Variants in SMYD3 observed in about 807,000 individuals in gnomAD.
The protein encoded by SMYD3 is histone-lysine N-methyltransferase SMYD3.
A neutral mutation model predicts 57.7 loss-of-function variants in SMYD3; 36 were observed. That is an observed-to-expected ratio of 0.62 (90% CI 0.48 to 0.82). SMYD3 has a LOEUF of 0.82. Ranked by LOEUF, SMYD3 falls within the 40% of genes least tolerant of loss-of-function variation. The pLI, the probability that SMYD3 is intolerant of heterozygous loss-of-function variation, is 0.00. For missense variants in SMYD3, 515 were observed against 538.8 expected (o/e 0.96, Z 0.44); for synonymous variants, 211 against 195.0 (o/e 1.08, Z -0.68).
chr1:245,799,465 C>T (rs1355790482), intron 10 of SMYD3, among the ~76,000 whole-genome samples: 1 of 7,076 alleles, frequency 1.4e-4, no homozygotes, highest in Non-Finnish European at 3.2e-4. Context: ...CCTCTCTTCT[C>T]CTTTCCAATT....
At chr1:245,989,883 C>T (rs187291928) in intron 5 of SMYD3, among the ~76,000 whole-genome samples, 3 of 152,212 alleles carry the variant, frequency 2.0e-5, no homozygotes, top group Admixed American at 6.5e-5. Context: ...CCTATAGATG[C>T]CCTGACCTTA....
At chr1:245,880,901 G>T (rs2052744390) in intron 8 of SMYD3, among the ~76,000 whole-genome samples, 1 of 152,268 alleles carries the variant, frequency 6.6e-6, no homozygotes, top group Non-Finnish European at 1.5e-5. Context: ...CCCAAGAGTG[G>T]AACATTGTGC....
intron 5 of SMYD3, 89 bp from the exon 6 acceptor site, chr1:245,930,026 T>C (rs2056617957): frequency 9.4e-7 from 1 of 1,069,374 alleles, no homozygotes; most frequent in Non-Finnish European, 1.4e-6. Flanking sequence ...AACCCAAATG[T>C]AGGAGCATCT....
chr1:245,881,169 C>G (rs1259702087), intron 8 of SMYD3, among the ~76,000 whole-genome samples: 6 of 152,184 alleles, frequency 3.9e-5, no homozygotes, highest in Admixed American at 6.5e-5. Flanking sequence ...AAGTATACCA[C>G]CAAACCAACA....
intron 5 of SMYD3, among the ~76,000 whole-genome samples, chr1:246,282,400 G>C (rs1271030358): frequency 6.7e-6 from 1 of 149,598 alleles, no homozygotes; most frequent in Admixed American, 6.7e-5. Flanking sequence ...TCAAAAGGCT[G>C]AGATGGAAGG....
chr1:245,797,670 A>G (rs922172484), intron 10 of SMYD3, among the ~76,000 whole-genome samples: 1 of 152,006 alleles, frequency 6.6e-6, no homozygotes, highest in South Asian at 2.1e-4. Context: ...AACTTAAAGT[A>G]TAATTATATA....
intron 5 of SMYD3, among the ~76,000 whole-genome samples, chr1:246,259,284 T>C (rs1305810368): frequency 6.6e-6 from 1 of 152,200 alleles, no homozygotes; most frequent in Non-Finnish European, 1.5e-5. Context: ...CATTCAGATT[T>C]TTAATGGTGC....
At chr1:246,313,982 G>A (rs1295536780) in intron 5 of SMYD3, among the ~76,000 whole-genome samples, 2 of 152,090 alleles carry the variant, frequency 1.3e-5, no homozygotes, top group African/African-American at 4.8e-5. Context: ...ATTTCAAAAG[G>A]TACCTTAACT....
At chr1:246,418,231 C>T (rs1182162369) in intron 1 of SMYD3, among the ~76,000 whole-genome samples, 2 of 152,226 alleles carry the variant, frequency 1.3e-5, no homozygotes, top group African/African-American at 4.8e-5. Context: ...CCACATGCTA[C>T]AAGACGGATA....
intron 9 of SMYD3, among the ~76,000 whole-genome samples, chr1:245,862,901 A>C (rs775308269): frequency 1.6e-4 from 24 of 152,162 alleles, no homozygotes; most frequent in Non-Finnish European, 2.1e-4. Flanking sequence ...TTTACCCAAG[A>C]CTGCTAATAA....
intron 5 of SMYD3, among the ~76,000 whole-genome samples, chr1:246,161,371 C>G (rs2062117482): frequency 6.6e-6 from 1 of 152,212 alleles, no homozygotes. Flanking sequence ...CATCTTTACA[C>G]AGGCTGTTCC....
intron 10 of SMYD3, among the ~76,000 whole-genome samples, chr1:245,769,560 A>G (rs565145971): frequency 6.6e-6 from 1 of 152,354 alleles, no homozygotes; most frequent in Admixed American, 6.5e-5. Flanking sequence ...AGATTAAAAG[A>G]GATGTAAGAG....
At position 246,153,409 on chromosome 1, in the gene SMYD3, G is replaced by C. The variant is rs963849993; in HGVS notation, c.531+173792C>G. ...AGCCTAAAACCCTGCTGGAGATAGG[G>C]AAGGAGGGAGGGAGGGAGGGAGAGG... On this transcript the variant is annotated intron_variant, in intron 5 of 11. Transcript: ENST00000490107. Among the ~76,000 whole-genome samples, 20 of 132,006 alleles carry C rather than the reference G, an allele frequency of 1.5e-4. No individual in the cohort carries two copies. The East Asian group carries it at 5.4e-3, about 35-fold the overall frequency. The allele number at this position is 132,006 out of a possible 152,430, so 86.6% of individuals were successfully genotyped here.
At chr1:246,155,132 T>C (rs1408286526) in intron 5 of SMYD3, among the ~76,000 whole-genome samples, 1 of 152,086 alleles carries the variant, frequency 6.6e-6, no homozygotes, top group Non-Finnish European at 1.5e-5. Flanking sequence ...ATTAGCTTTC[T>C]TCCCTCCCAA....
At chr1:246,186,108 G>GT (rs1248454963) in intron 5 of SMYD3, among the ~76,000 whole-genome samples, 2 of 151,952 alleles carry the variant, frequency 1.3e-5, no homozygotes, top group South Asian at 2.1e-4. Flanking sequence ...CAGAATTGTG[G>GT]TTTTTTACTG....
In SMYD3 at chr1:246,036,540, T is replaced by TC. The variant is rs912938697; in HGVS notation, c.532-106604_532-106603insG. 3.3e-4 allele frequency among the ~76,000 whole-genome samples: 12 copies of TC among 36,176 alleles called. 1 individual carries two copies. In the African/African-American group the frequency reaches 9.1e-3, roughly 27 times the overall value. 23.7% of individuals were successfully genotyped at this position (36,176 alleles called of 152,430 possible). A position where few individuals can be genotyped will look rare whatever the true frequency, so the allele number is the denominator to read the frequency against. On this transcript the variant is annotated intron_variant, in intron 5 of 11. Coordinates refer to ENST00000490107, the MANE Select transcript of SMYD3 (RefSeq NM_001167740.2). ...TTTTCTCTGTACTCTTCTTTCTCTC[T>TC]TTTTTTTTTTTTTGTTTTGTTTTGT...
At chr1:246,195,994 T>C (rs947916695) in intron 5 of SMYD3, among the ~76,000 whole-genome samples, 16 of 152,194 alleles carry the variant, frequency 1.1e-4, no homozygotes, top group Admixed American at 2.0e-4. Flanking sequence ...GATGATACTG[T>C]CTTTAAAGCT....
At chr1:245,858,700 G>C (rs1242144842) in intron 9 of SMYD3, 30 bp from the exon 10 acceptor site, 2 of 1,593,444 alleles carry the variant, frequency 1.3e-6, no homozygotes, top group East Asian at 2.2e-5. Flanking sequence ...AGGATTCATT[G>C]TCTTCATCAA....
In SMYD3 at chr1:246,355,011, A is replaced by ATATG. The variant is rs759189889; in HGVS notation, c.228+16_228+19dup. ...TAAAGAATTTGAAAGCTTCACTTAT[A>ATATG]TATGGCTGAAAAGTCTTACCTGACA... is the stretch of plus-strand genomic sequence containing the variant. On this transcript the variant is annotated intron_variant, in intron 2 of 11. Coordinates refer to ENST00000490107, the MANE Select transcript of SMYD3 (RefSeq NM_001167740.2). This position sits in a 1 kb window ranked among gnomAD's most constrained non-coding sequence, Gnocchi z 5.0. 1.2e-6 allele frequency: 2 copies of ATATG among 1,612,126 alleles called. No individual in the cohort carries two copies. The highest frequency in any genetic ancestry group is 2.7e-5 in the African/African-American group (2 of 74,888).
Sources: allele counts gnomAD v4.1 joint callset (sites outside exome capture counted in the v4.1 genomes callset), GRCh38; gene constraint gnomAD v4.1.1; non-coding constraint Gnocchi (gnomAD v3.1); transcripts MANE v1.5; gene names NCBI Gene and HGNC (gene_info 2026-07-23, HGNC 2026-07-21).